Variants in SKAP2 observed in about 807,000 individuals in gnomAD.
The protein encoded by SKAP2 is src kinase associated phosphoprotein 2, also known as src kinase-associated phosphoprotein 2.
Under a neutral mutation model 54.9 loss-of-function variants are expected in SKAP2, and 28 were observed. That is an observed-to-expected ratio of 0.51 (90% CI 0.38 to 0.70). SKAP2 has a LOEUF of 0.70. SKAP2 is among the 30% of genes least tolerant of loss of function. The pLI is 0.00. For synonymous variants in SKAP2, 137 were observed against 134.3 expected (o/e 1.02, Z -0.14); for missense variants, 356 against 424.1 (o/e 0.84, Z 1.41).
At chr7:26,858,869 A>AC in intron 1 of SKAP2, among the ~76,000 whole-genome samples, 1 of 152,240 alleles carries the variant, frequency 6.6e-6, no homozygotes, top group South Asian at 2.1e-4. Context: ...ACTTGTCCTC[A>AC]CCACCCCCGA....
At position 26,835,455 on chromosome 7, in the gene SKAP2, T is replaced by A. The variant is rs368527228; in HGVS notation, c.307+8575A>T. 4.6e-5 allele frequency among the ~76,000 whole-genome samples: 7 copies of A among 152,226 alleles called. No individual in the cohort carries two copies. The East Asian group carries it at 5.8e-4, about 13-fold the overall frequency. The stretch of plus-strand genomic sequence containing the variant: ...TATATTTAGAAAACCCCATCATCTC[T>A]GCCCAAAATCTCCTTAAGCTGATAA... On this transcript the variant is annotated intron_variant, in intron 4 of 12. Coordinates refer to ENST00000345317, the MANE Select transcript of SKAP2 (RefSeq NM_003930.5).
chr7:26,726,779 T>A, intron 7 of SKAP2, 103 bp downstream of exon 7: 4 of 929,994 alleles, frequency 4.3e-6, no homozygotes, highest in Non-Finnish European at 6.0e-6. Flanking sequence ...ATTTTTATTA[T>A]TGTTAACATG....
At chr7:26,723,383 G>A (rs1024453) in intron 9 of SKAP2, among the ~76,000 whole-genome samples, 21,624 of 152,018 alleles carry the variant, frequency 0.14, 2,457 homozygotes, top group African/African-American at 0.31. Context: ...CCTTCCCGGG[G>A]CACAGGTGCA....
intron 1 of SKAP2, chr7:26,857,310 TAAAAAAAAAAAA>T (rs59046895): frequency 2.2e-5 from 2 of 91,212 alleles, no homozygotes; most frequent in Non-Finnish European, 3.9e-5. Context: ...CTGCTTTGCT[TAAAAAAAAAAAA>T]AAAAAAAAAA....
At chr7:26,784,091 T>C (rs764408587) in intron 4 of SKAP2, among the ~76,000 whole-genome samples, 2 of 149,628 alleles carry the variant, frequency 1.3e-5, no homozygotes, top group Non-Finnish European at 3.0e-5. Context: ...CATCTCCAGT[T>C]AGGGAGGCAC....
chr7:26,852,896 C>T (rs566023480), intron 3 of SKAP2, among the ~76,000 whole-genome samples: 17 of 152,168 alleles, frequency 1.1e-4, no homozygotes, highest in African/African-American at 4.1e-4. Context: ...AAGTATACTA[C>T]ATAATAAAAG....
rs1786146007 is a variant in SKAP2 at position 26,668,122 on chromosome 7, T to TCAAA, written c.*1540_*1543dup. On this transcript the variant is annotated 3_prime_UTR_variant, in exon 13 of 13. Transcript: ENST00000345317. ...GGGGGTAATGGTAAAGCAGACCCTC[T>TCAAA]CAAACACTGCTTATAAACAGTTTTA... The TCAAA allele has an allele frequency of 6.6e-6, 1 of 152,104 alleles. No individual in the cohort carries two copies. The highest frequency in any genetic ancestry group is 1.5e-5 in the Non-Finnish European group (1 of 68,006). 9.4% of individuals were successfully genotyped at this position (152,104 alleles called of 1,614,324 possible).
intron 10 of SKAP2, among the ~76,000 whole-genome samples, chr7:26,687,401 A>G (rs1562575587): frequency 6.6e-6 from 1 of 151,862 alleles, no homozygotes; most frequent in Non-Finnish European, 1.5e-5. Flanking sequence ...GACCAACCTC[A>G]TTTTTGTGTC....
In SKAP2 at chr7:26,783,214, G is replaced by A. The variant is rs114192245; in HGVS notation, c.308-43250C>T. Reference sequence around the variant, plus strand: ...ATTTGCCTAAAGCAGGTATCCAGACGTTGTTGTTGACTGTCTCCTCTCCAA... The same window carrying A: ...ATTTGCCTAAAGCAGGTATCCAGACATTGTTGTTGACTGTCTCCTCTCCAA... On this transcript the variant is annotated intron_variant, in intron 4 of 12. Coordinates refer to ENST00000345317, the MANE Select transcript of SKAP2 (RefSeq NM_003930.5). Among the ~76,000 whole-genome samples the A allele has an allele frequency of 6.5e-3, 994 of 152,106 alleles. 16 individuals are homozygous for A. Among genetic ancestry groups the A allele is most frequent in the African/African-American group, 0.022 (896 of 41,498 alleles).
intron 10 of SKAP2, among the ~76,000 whole-genome samples, chr7:26,686,414 T>G (rs1786641187): frequency 6.6e-6 from 1 of 152,092 alleles, no homozygotes; most frequent in Non-Finnish European, 1.5e-5. Context: ...CACTAGCATC[T>G]GAGCACTCAT....
Position 26,810,313 on chromosome 7 carries a change from G to GA in SKAP2, c.307+33716dup, listed in dbSNP as rs558447956. ...TCCAGCCTGGACCATGTCTCTAAAA[G>GA]AAAAAAAAGGAAAGAAAAAGAAAGA... On this transcript the variant is annotated intron_variant, in intron 4 of 12. Transcript: ENST00000345317. 9.2e-5 allele frequency among the ~76,000 whole-genome samples: 13 copies of GA among 141,588 alleles called. No individual in the cohort carries two copies. The South Asian group carries it at 2.4e-3, about 26-fold the overall frequency. The allele number at this position is 141,588 out of a possible 152,430, so 92.9% of individuals were successfully genotyped here.
intron 9 of SKAP2, among the ~76,000 whole-genome samples, chr7:26,699,181 G>A (rs2127945333): frequency 6.6e-6 from 1 of 152,270 alleles, no homozygotes; most frequent in Middle Eastern, 3.4e-3. Context: ...ACTACTACTT[G>A]TCGCGTCTGG....
the SKAP2 span, among the ~76,000 whole-genome samples, chr7:26,655,899 G>A: frequency 6.6e-6 from 1 of 152,162 alleles, no homozygotes; most frequent in Admixed American, 6.6e-5. Context: ...TAGTGCTGTG[G>A]GGTTTTAGCA....
intron 9 of SKAP2, among the ~76,000 whole-genome samples, chr7:26,697,516 C>CT (rs1396179879): frequency 6.6e-6 from 1 of 152,090 alleles, no homozygotes; most frequent in African/African-American, 2.4e-5. Flanking sequence ...AAATTCTTGG[C>CT]TTTTTATTAA....
intron 7 of SKAP2, among the ~76,000 whole-genome samples, chr7:26,726,303 T>C (rs540565846): frequency 6.6e-6 from 1 of 152,300 alleles, no homozygotes; most frequent in East Asian, 1.9e-4. Flanking sequence ...TGAATTTCTT[T>C]AGACTGCTGC....
At chr7:26,747,134 T>C (rs1256401177) in intron 4 of SKAP2, among the ~76,000 whole-genome samples, 1 of 148,536 alleles carries the variant, frequency 6.7e-6, no homozygotes, top group Non-Finnish European at 1.5e-5. Context: ...GAGGACTAAT[T>C]GTGTTACTTT....
chr7:26,860,631 T>C (rs1562639283), intron 1 of SKAP2, among the ~76,000 whole-genome samples: 1 of 151,874 alleles, frequency 6.6e-6, no homozygotes, highest in African/African-American at 2.4e-5. Flanking sequence ...ACACCATAAA[T>C]AATTCTCATA....
intron 4 of SKAP2, among the ~76,000 whole-genome samples, chr7:26,830,274 C>T (rs1396566267): frequency 1.3e-5 from 2 of 152,106 alleles, no homozygotes; most frequent in Non-Finnish European, 2.9e-5. Flanking sequence ...AGAGTGACTA[C>T]TCATGGCATG....
At chr7:26,781,090 A>G (rs981631353) in intron 4 of SKAP2, among the ~76,000 whole-genome samples, 1 of 152,140 alleles carries the variant, frequency 6.6e-6, no homozygotes, top group African/African-American at 2.4e-5. Flanking sequence ...ATTAACACAA[A>G]AGAAGACATT....
Sources: allele counts gnomAD v4.1 joint callset (sites outside exome capture counted in the v4.1 genomes callset), GRCh38; gene constraint gnomAD v4.1.1; transcripts MANE v1.5; gene names NCBI Gene and HGNC (gene_info 2026-07-23, HGNC 2026-07-21).